Variants in AGBL4 observed in about 807,000 individuals in gnomAD.
AGBL4 encodes the protein cytosolic carboxypeptidase 6.
A neutral mutation model predicts 66.4 loss-of-function variants in AGBL4; 58 were observed. The observed-to-expected ratio is 0.87, with a 90% CI of 0.71 to 1.09. The LOEUF is 1.09. AGBL4 is among the 50% of genes least tolerant of loss of function. The probability of loss-of-function intolerance (pLI) is 0.00; values close to 1 mark genes in which losing one functional copy is unlikely to be tolerated. For synonymous variants in AGBL4, 234 were observed against 222.9 expected (o/e 1.05, Z -0.44); for missense variants, 579 against 631.0 (o/e 0.92, Z 0.88).
intron 13 of AGBL4, 103 bp from the exon 14 acceptor site, chr1:48,534,396 C>G (rs954096738): frequency 1.8e-5 from 25 of 1,398,226 alleles, no homozygotes; most frequent in South Asian, 6.1e-5. Context: ...CTGTAGCCTC[C>G]CAGGAACAGT....
chr1:49,799,002 T>C (rs1029206658), intron 2 of AGBL4, among the ~76,000 whole-genome samples: 4 of 152,154 alleles, frequency 2.6e-5, no homozygotes, highest in African/African-American at 9.7e-5. Flanking sequence ...AAATCTCTAG[T>C]ATACCATCCA....
At chr1:49,534,171 CAAAAAAAAAAAA>C (rs71059553) in intron 3 of AGBL4, among the ~76,000 whole-genome samples, 2 of 67,048 alleles carry the variant, frequency 3.0e-5, no homozygotes, top group Non-Finnish European at 5.2e-5. Context: ...CACCATTTTA[CAAAAAAAAAAAA>C]AAAAAAAAAA....
chr1:48,730,498 G>C (rs1034220899), intron 6 of AGBL4, among the ~76,000 whole-genome samples: 1 of 152,308 alleles, frequency 6.6e-6, no homozygotes, highest in African/African-American at 2.4e-5. Flanking sequence ...AAGTGGCAAA[G>C]GAGACAGAAG....
intron 3 of AGBL4, among the ~76,000 whole-genome samples, chr1:49,377,426 T>A (rs1300871469): frequency 6.6e-6 from 1 of 152,120 alleles, no homozygotes; most frequent in Admixed American, 6.6e-5. Context: ...GACACCCAGC[T>A]AGTAAGTGGC....
At chr1:49,727,067 G>A (rs1415006350) in intron 2 of AGBL4, among the ~76,000 whole-genome samples, 1 of 152,056 alleles carries the variant, frequency 6.6e-6, no homozygotes, top group Non-Finnish European at 1.5e-5. Context: ...TAGAGGAAGT[G>A]GATAAATTAT....
intron 2 of AGBL4, among the ~76,000 whole-genome samples, chr1:49,777,687 C>A (rs1644233568): frequency 6.6e-6 from 1 of 152,114 alleles, no homozygotes; most frequent in Non-Finnish European, 1.5e-5. Flanking sequence ...GCTATTGGGT[C>A]ATTTGCAATT....
intron 3 of AGBL4, among the ~76,000 whole-genome samples, chr1:49,351,936 G>A (rs957121072): frequency 1.3e-5 from 2 of 152,190 alleles, no homozygotes; most frequent in Non-Finnish European, 2.9e-5. Flanking sequence ...CGTGAGTCAT[G>A]CCCAAATTCC....
chr1:49,606,718 G>C (rs980831567), intron 3 of AGBL4, among the ~76,000 whole-genome samples: 1 of 152,036 alleles, frequency 6.6e-6, no homozygotes, highest in South Asian at 2.1e-4. Flanking sequence ...AGAAAGGTGA[G>C]GTGATATATC....
chr1:49,363,588 TA>T (rs755537635), intron 3 of AGBL4, among the ~76,000 whole-genome samples: 24 of 152,322 alleles, frequency 1.6e-4, no homozygotes, highest in Non-Finnish European at 2.2e-4. Context: ...AGATTGCCAC[TA>T]GGGGGGAGTT....
At chr1:49,759,851 C>T (rs774572480) in intron 2 of AGBL4, among the ~76,000 whole-genome samples, 3 of 152,068 alleles carry the variant, frequency 2.0e-5, no homozygotes, top group Non-Finnish European at 4.4e-5. Context: ...GTGAAAGAAG[C>T]CAGGTATAAA....
intron 5 of AGBL4, among the ~76,000 whole-genome samples, chr1:48,888,258 C>G (rs1223025531): frequency 1.3e-5 from 2 of 152,184 alleles, no homozygotes; most frequent in African/African-American, 4.8e-5. Context: ...ATTAAAAGCA[C>G]TAAGGCGGGC....
At chr1:49,926,070 C>A (rs1652740789) in intron 1 of AGBL4, among the ~76,000 whole-genome samples, 1 of 152,164 alleles carries the variant, frequency 6.6e-6, no homozygotes, top group Non-Finnish European at 1.5e-5. Context: ...TGACCTCGAG[C>A]AAGACTCAGG....
At chr1:48,985,551 G>A (rs1047343277) in intron 5 of AGBL4, among the ~76,000 whole-genome samples, 2 of 152,106 alleles carry the variant, frequency 1.3e-5, no homozygotes, top group African/African-American at 4.8e-5. Context: ...TACTCAGAAG[G>A]AAGGGACTGG....
chr1:49,255,178 T>A (rs1411428950), intron 3 of AGBL4, among the ~76,000 whole-genome samples: 1 of 151,982 alleles, frequency 6.6e-6, no homozygotes, highest in Admixed American at 6.6e-5. Context: ...CTAATTAAAC[T>A]AAAGAGCTTC....
chr1:49,833,069 G>A (rs887715544), intron 2 of AGBL4, among the ~76,000 whole-genome samples: 75 of 152,050 alleles, frequency 4.9e-4, no homozygotes, highest in East Asian at 1.7e-3. Context: ...GTCCTTGCCC[G>A]TGCCTATGTC....
At chr1:49,792,400 A>G (rs1197530559) in intron 2 of AGBL4, among the ~76,000 whole-genome samples, 4 of 152,130 alleles carry the variant, frequency 2.6e-5, no homozygotes, top group African/African-American at 9.6e-5. Flanking sequence ...AACCAGGAGC[A>G]AATTATAGAT....
chr1:49,578,941 G>C (rs1558070742), intron 3 of AGBL4, among the ~76,000 whole-genome samples: 1 of 152,140 alleles, frequency 6.6e-6, no homozygotes, highest in African/African-American at 2.4e-5. Context: ...TGAGTCAGAG[G>C]GTTGGGAAAG....
intron 11 of AGBL4, among the ~76,000 whole-genome samples, chr1:48,555,953 G>A (rs1644315506): frequency 6.6e-6 from 1 of 152,184 alleles, no homozygotes; most frequent in South Asian, 2.1e-4. Flanking sequence ...CCTTGGGAAG[G>A]AAGTCTAAAG....
intron 2 of AGBL4, among the ~76,000 whole-genome samples, chr1:49,712,282 T>C (rs1647731462): frequency 6.6e-6 from 1 of 151,898 alleles, no homozygotes; most frequent in Admixed American, 6.6e-5. Flanking sequence ...TAATACCCCA[T>C]AATTTTGTTA....
Sources: gnomAD v4.1 joint callset for allele counts (sites outside exome capture counted in the v4.1 genomes callset) on GRCh38, gnomAD v4.1.1 for gene constraint, MANE v1.5 for transcripts, NCBI Gene and HGNC (gene_info 2026-07-23, HGNC 2026-07-21) for gene names.